SARNP: variants seen among roughly 807,000 people sequenced by gnomAD.
SARNP encodes the protein SAP domain-containing ribonucleoprotein.
Under a neutral mutation model 38.1 loss-of-function variants are expected in SARNP, and 5 were observed. That is an observed-to-expected ratio of 0.13 (90% CI 0.07 to 0.28). The LOEUF (loss-of-function observed/expected upper bound fraction) is 0.28. SARNP is among the 10% of genes least tolerant of loss of function. SARNP has a pLI of 1.00. For synonymous variants in SARNP, 84 were observed against 80.6 expected, an observed-to-expected ratio of 1.04 and a Z score of -0.23; for missense variants, 180 against 243.9, an observed-to-expected ratio of 0.74 and a Z score of 1.75.
chr12:55,779,881 C>A (rs1332927480), intron 9 of SARNP, among the ~76,000 whole-genome samples: 1 of 152,054 alleles, frequency 6.6e-6, no homozygotes. Flanking sequence ...GCATGGTGGC[C>A]CAACCCTGCA....
chr12:55,772,840 G>A (rs1207119647), intron 9 of SARNP, among the ~76,000 whole-genome samples: 1 of 150,178 alleles, frequency 6.7e-6, no homozygotes, highest in Admixed American at 6.7e-5. Context: ...TCAGCCTCCC[G>A]AGTAGCTGGG....
chr12:55,794,683 T>C lies in SARNP; in HGVS notation c.377+124A>G, dbSNP rs907561648. ...CATGTTCTGAATAGGGTCAAAAAAGTGTTCATATCCTTCAGCAAGCCTCTA... is the reference window on the plus strand; with the variant it reads ...CATGTTCTGAATAGGGTCAAAAAAGCGTTCATATCCTTCAGCAAGCCTCTA... On this transcript the variant is annotated intron_variant, in intron 6 of 10. Transcript: ENST00000336133. 5 of 667,862 alleles carry C rather than the reference T, an allele frequency of 7.5e-6. No individual in the cohort carries two copies. In the African/African-American group the frequency reaches 9.2e-5, roughly 12 times the overall value. 41.4% of individuals were successfully genotyped at this position (667,862 alleles called of 1,614,324 possible).
At chr12:55,798,066 G>T (rs977779639) in intron 4 of SARNP, among the ~76,000 whole-genome samples, 1 of 152,120 alleles carries the variant, frequency 6.6e-6, no homozygotes, top group Admixed American at 6.5e-5. Flanking sequence ...TCTTGTTCCA[G>T]AAATCCCCAT....
intron 1 of SARNP, among the ~76,000 whole-genome samples, chr12:55,805,178 C>T (rs912789133): frequency 2.0e-5 from 3 of 152,162 alleles, no homozygotes; most frequent in African/African-American, 4.8e-5. Flanking sequence ...AGAAGAATGG[C>T]GTGAACCCTG....
intron 1 of SARNP, among the ~76,000 whole-genome samples, chr12:55,813,807 G>T (rs1880404216): frequency 1.3e-5 from 2 of 152,292 alleles, no homozygotes; most frequent in African/African-American, 4.8e-5. Context: ...GCCTCCCAAA[G>T]TACTGGGATT....
chr12:55,796,223 G>A (rs1239621606), intron 4 of SARNP, 147 bp from the exon 5 acceptor site: 1 of 604,628 alleles, frequency 1.7e-6, no homozygotes, highest in African/African-American at 1.9e-5. Context: ...AAGTCCACTA[G>A]AGCTTTGGTT....
Position 55,782,392 on chromosome 12 carries a change from A to C in SARNP, c.501+6683T>G, listed in dbSNP as rs115345016. ...GTAGATGGATTTCCTATAATGTCCT[A>C]AAGTATGAAGTTTCTCCTTTCCGAG... is the stretch of plus-strand genomic sequence containing the variant. On this transcript the variant is annotated intron_variant, in intron 9 of 10. Coordinates refer to ENST00000336133, the MANE Select transcript of SARNP (RefSeq NM_033082.4). Among the ~76,000 whole-genome samples, 258 of 152,326 alleles carry C rather than the reference A, an allele frequency of 1.7e-3. 1 individual carries two copies. Among genetic ancestry groups the C allele is most frequent in the African/African-American group, 5.7e-3 (237 of 41,570 alleles).
intron 1 of SARNP, among the ~76,000 whole-genome samples, chr12:55,811,806 G>A (rs545748276): frequency 3.3e-5 from 5 of 152,180 alleles, no homozygotes; most frequent in Admixed American, 2.6e-4. Context: ...ATATATCAAA[G>A]GCTAATTCAC....
chr12:55,767,109 T>TACA (rs1878861169), intron 9 of SARNP, among the ~76,000 whole-genome samples: 1 of 152,210 alleles, frequency 6.6e-6, no homozygotes, highest in Non-Finnish European at 1.5e-5. Context: ...AAAGAGTGCT[T>TACA]TGCACACAGG....
chr12:55,796,911 T>C (rs1565680280), intron 4 of SARNP, among the ~76,000 whole-genome samples: 2 of 152,008 alleles, frequency 1.3e-5, no homozygotes, highest in East Asian at 1.9e-4. Context: ...AAGAAAAAAG[T>C]CTAAGGGGAG....
intron 9 of SARNP, among the ~76,000 whole-genome samples, chr12:55,787,991 C>T (rs1035785903): frequency 9.2e-5 from 14 of 151,698 alleles, no homozygotes; most frequent in Non-Finnish European, 1.8e-4. Context: ...CCTCGTGATC[C>T]GCACATCTCC....
rs762603422 is a variant in SARNP, at chr12:55,803,597, C to T, written c.136+32G>A. On this transcript the variant is annotated intron_variant, in intron 2 of 10. Transcript: ENST00000336133. ...GTGTCAAAGCCTGAAAATCCCCTCA[C>T]TCACATCACTCCGCCTCCACAAAGT... 6.5e-5 allele frequency: 88 copies of T among 1,348,164 alleles called. 1 individual carries two copies. The South Asian group carries it at 1.1e-3, about 18-fold the overall frequency. 83.5% of individuals were successfully genotyped at this position (1,348,164 alleles called of 1,614,324 possible).
intron 1 of SARNP, among the ~76,000 whole-genome samples, chr12:55,809,215 A>G (rs1011158068): frequency 3.3e-5 from 5 of 152,024 alleles, no homozygotes; most frequent in African/African-American, 1.2e-4. Context: ...CAAAACAAAC[A>G]AAAAATATTT....
intron 1 of SARNP, among the ~76,000 whole-genome samples, chr12:55,810,391 A>G (rs947038949): frequency 1.3e-5 from 2 of 151,420 alleles, no homozygotes; most frequent in Non-Finnish European, 2.9e-5. Context: ...GGTTAGGATT[A>G]TAGGCGTGAG....
intron 9 of SARNP, among the ~76,000 whole-genome samples, chr12:55,770,477 G>C (rs866474602): frequency 6.7e-5 from 10 of 149,658 alleles, no homozygotes; most frequent in African/African-American, 2.5e-4. Context: ...CTGACCTCAT[G>C]ATCCGCCTGC....
intron 9 of SARNP, among the ~76,000 whole-genome samples, chr12:55,766,630 G>C (rs75855731): frequency 9.0e-6 from 1 of 111,214 alleles, no homozygotes; most frequent in African/African-American, 3.6e-5. Flanking sequence ...GGGGGGGGGG[G>C]GGTTGTTTTT....
chr12:55,794,776 A>G (rs772663128), intron 6 of SARNP, 31 bp downstream of exon 6: 1 of 1,366,034 alleles, frequency 7.3e-7, no homozygotes, highest in Non-Finnish European at 1.0e-6. Flanking sequence ...CAACACCCCT[A>G]TCAGAGGCCC....
At chr12:55,788,442 T>G (rs956938657) in intron 9 of SARNP, among the ~76,000 whole-genome samples, 2 of 152,196 alleles carry the variant, frequency 1.3e-5, no homozygotes, top group African/African-American at 4.8e-5. Flanking sequence ...ATTATCAAAG[T>G]TAAAGTAGAT....
intron 9 of SARNP, among the ~76,000 whole-genome samples, chr12:55,762,996 G>T (rs1878721346): frequency 6.6e-6 from 1 of 152,176 alleles, no homozygotes; most frequent in Non-Finnish European, 1.5e-5. Flanking sequence ...AAGAAAGAAT[G>T]ATGGTTATGA....
Sources: gnomAD v4.1 joint callset for allele counts (sites outside exome capture counted in the v4.1 genomes callset) on GRCh38, gnomAD v4.1.1 for gene constraint, MANE v1.5 for transcripts, NCBI Gene and HGNC (gene_info 2026-07-23, HGNC 2026-07-21) for gene names.